The following CCDC126 variants were observed in gnomAD, a reference collection of about 807,000 sequenced individuals.
The protein encoded by CCDC126 is coiled-coil domain containing 126.
In CCDC126, 5 loss-of-function variants were observed where a neutral mutation model predicts 11.7. That is an observed-to-expected ratio of 0.43 (90% confidence interval 0.22 to 0.90). The LOEUF is 0.90. Ranked by LOEUF, CCDC126 falls within the 40% of genes least tolerant of loss-of-function variation. The pLI is 0.27. For missense variants in CCDC126, 150 were observed against 163.1 expected, an observed-to-expected ratio of 0.92 and a Z score of 0.44; for synonymous variants, 60 against 61.9, an observed-to-expected ratio of 0.97 and a Z score of 0.14.
At chr7:23,629,961 A>T (rs1783080055) in intron 3 of CCDC126, among the ~76,000 whole-genome samples, 1 of 152,228 alleles carries the variant, frequency 6.6e-6, no homozygotes, top group South Asian at 2.1e-4. Flanking sequence ...CAGAGTCCTC[A>T]GATTTAAGAA....
intron 3 of CCDC126, among the ~76,000 whole-genome samples, chr7:23,623,476 G>C (rs1390624869): frequency 6.6e-6 from 1 of 151,764 alleles, no homozygotes; most frequent in East Asian, 1.9e-4. Context: ...CTTGCCTATA[G>C]TCCCTGCTGC....
intron 3 of CCDC126, among the ~76,000 whole-genome samples, chr7:23,638,652 C>A: frequency 8.2e-6 from 1 of 121,944 alleles, no homozygotes; most frequent in African/African-American, 3.3e-5. Flanking sequence ...ACCTTCCCTC[C>A]ACTATTGTCC....
intron 3 of CCDC126, chr7:23,622,818 C>T (rs1782941260): frequency 2.3e-6 from 1 of 439,822 alleles, no homozygotes; most frequent in African/African-American, 2.0e-5. Flanking sequence ...CAGAGCCCCT[C>T]CATTCTAAAT....
chr7:23,602,017 C>A (rs921454767), intron 2 of CCDC126: 1 of 152,100 alleles, frequency 6.6e-6, no homozygotes, highest in African/African-American at 2.4e-5. Context: ...TAATGTTGGA[C>A]TAAAGACAAG....
chr7:23,608,818 C>T (rs538231028), intron 2 of CCDC126, among the ~76,000 whole-genome samples: 2 of 152,128 alleles, frequency 1.3e-5, no homozygotes, highest in Admixed American at 6.5e-5. Flanking sequence ...TATGGGAAAC[C>T]AGAATTTTAT....
At chr7:23,617,838 T>A (rs1355819898) in intron 3 of CCDC126, among the ~76,000 whole-genome samples, 1 of 152,234 alleles carries the variant, frequency 6.6e-6, no homozygotes, top group African/African-American at 2.4e-5. Context: ...ATAAATACTT[T>A]ATTTTCAATC....
chr7:23,624,428 C>T (rs1407141698), intron 3 of CCDC126, among the ~76,000 whole-genome samples: 1 of 152,148 alleles, frequency 6.6e-6, no homozygotes, highest in Non-Finnish European at 1.5e-5. Context: ...CAGGCATGAG[C>T]CACCCTGGCC....
chr7:23,640,803 A>G (rs1471965261), intron 3 of CCDC126, among the ~76,000 whole-genome samples: 1 of 151,708 alleles, frequency 6.6e-6, no homozygotes, highest in Non-Finnish European at 1.5e-5. Context: ...TCTGTGTTGT[A>G]GCATGTATCA....
chr7:23,623,263 GCTCA>G (rs1244566285), intron 3 of CCDC126, among the ~76,000 whole-genome samples: 2 of 151,674 alleles, frequency 1.3e-5, no homozygotes, highest in Non-Finnish European at 2.9e-5. Flanking sequence ...TGCCTGGCCT[GCTCA>G]CTTTTTGATG....
chr7:23,620,860 G>C (rs868799143), intron 3 of CCDC126, among the ~76,000 whole-genome samples: 1,939 of 149,178 alleles, frequency 0.013, 2 homozygotes, highest in African/African-American at 0.048. Context: ...GCTTGTTTTT[G>C]TCAGGTTTGT....
intron 3 of CCDC126, among the ~76,000 whole-genome samples, chr7:23,638,143 C>T (rs1242865660): frequency 4.0e-5 from 6 of 149,468 alleles, no homozygotes; most frequent in African/African-American, 1.5e-4. Context: ...AGGAGAGGGG[C>T]GCTTCTGCCC....
At chr7:23,642,852 A>G in intron 3 of CCDC126, 79 bp from the exon 4 acceptor site, 3 of 1,190,510 alleles carry the variant, frequency 2.5e-6, no homozygotes, top group African/African-American at 1.5e-5. Flanking sequence ...GTAGTTGTTC[A>G]CCTTTTTCCT....
chr7:23,625,648 G>A (rs980514943), intron 3 of CCDC126, among the ~76,000 whole-genome samples: 5 of 123,612 alleles, frequency 4.0e-5, no homozygotes, highest in Non-Finnish European at 8.4e-5. Context: ...TTATTTGACT[G>A]ATTTTTTTTT....
At chr7:23,634,399 G>T (rs1439619324) in intron 3 of CCDC126, among the ~76,000 whole-genome samples, 1 of 152,234 alleles carries the variant, frequency 6.6e-6, no homozygotes, top group Admixed American at 6.5e-5. Flanking sequence ...AGGCTGCAGT[G>T]AGCCATGATT....
intron 3 of CCDC126, among the ~76,000 whole-genome samples, chr7:23,612,513 G>GA (rs1221336003): frequency 3.2e-4 from 30 of 92,500 alleles, no homozygotes; most frequent in East Asian, 2.7e-3. Flanking sequence ...AAAGAAAAAA[G>GA]AAAAAAAAAA....
At chr7:23,615,584 C>G (rs952766952) in intron 3 of CCDC126, among the ~76,000 whole-genome samples, 3 of 152,228 alleles carry the variant, frequency 2.0e-5, no homozygotes, top group Admixed American at 6.5e-5. Context: ...GCCTTCCTCA[C>G]TAAATTTAAT....
intron 3 of CCDC126, among the ~76,000 whole-genome samples, chr7:23,639,438 A>C (rs1417100332): frequency 6.6e-6 from 1 of 152,126 alleles, no homozygotes; most frequent in Non-Finnish European, 1.5e-5. Context: ...GCCTGACCTC[A>C]AGTGATCCAT....
At chr7:23,637,889 G>T (rs1412030894) in intron 3 of CCDC126, among the ~76,000 whole-genome samples, 9 of 104,256 alleles carry the variant, frequency 8.6e-5, no homozygotes, top group African/African-American at 2.7e-4. Flanking sequence ...GAGGTGAGGG[G>T]CGCCTCTGCC....
chr7:23,618,845 G>A (rs891848092), intron 3 of CCDC126, among the ~76,000 whole-genome samples: 26 of 151,978 alleles, frequency 1.7e-4, no homozygotes, highest in South Asian at 2.1e-4. Flanking sequence ...GTGAGCCACC[G>A]CGCTTGGCCT....
Sources: allele counts gnomAD v4.1 joint callset (sites outside exome capture counted in the v4.1 genomes callset), GRCh38; gene constraint gnomAD v4.1.1; transcripts MANE v1.5; gene names NCBI Gene and HGNC (gene_info 2026-07-23, HGNC 2026-07-21).